Variants in RPL12 observed in about 807,000 individuals in gnomAD.
The protein encoded by RPL12 is large ribosomal subunit protein uL11.
Under a neutral mutation model 24.5 loss-of-function variants are expected in RPL12, and 10 were observed. The ratio of observed to expected loss-of-function variants is 0.41; its 90% CI spans 0.25 to 0.69. The LOEUF (loss-of-function observed/expected upper bound fraction) is 0.69. Ranked by LOEUF, RPL12 falls within the 30% of genes least tolerant of loss-of-function variation. The pLI is 0.33. For synonymous variants in RPL12, 74 were observed against 76.1 expected, an observed-to-expected ratio of 0.97 and a Z score of 0.14; for missense variants, 137 against 205.3, an observed-to-expected ratio of 0.67 and a Z score of 2.03.
chr9:127,449,767 C>T lies in RPL12; in HGVS notation c.112-59G>A, dbSNP rs145155290. The T allele has an allele frequency of 8.8e-4, 1,152 of 1,311,344 alleles. 7 individuals carry two copies. The highest frequency in any genetic ancestry group is 4.0e-3 in the South Asian group (340 of 84,840). The allele number at this position is 1,311,344 out of a possible 1,614,324, so 81.2% of individuals were successfully genotyped here. On this transcript the variant is annotated intron_variant, in intron 2 of 6. Coordinates refer to ENST00000361436, the MANE Select transcript of RPL12 (RefSeq NM_000976.4). ...CAGAGGTGAACCACAGCCTTGAAAC[C>T]TGCCCACCACTTCTCACTTGGCAAC...
At chr9:127,447,823 T>TA in intron 6 of RPL12, 54 bp downstream of exon 6, 1 of 1,611,900 alleles carries the variant, frequency 6.2e-7, no homozygotes, top group Non-Finnish European at 8.5e-7. Flanking sequence ...TCTCTGTGAA[T>TA]ACACTGGGTG....
In RPL12 at chr9:127,448,478, A is replaced by G. The variant is rs143393244; in HGVS notation, c.293-55T>C. 1.7e-5 allele frequency: 19 copies of G among 1,131,018 alleles called. No homozygotes were observed. In the African/African-American group the frequency reaches 2.6e-4, roughly 15 times the overall value. 70.1% of individuals were successfully genotyped at this position (1,131,018 alleles called of 1,614,324 possible). The stretch of plus-strand genomic sequence containing the variant: ...TTAAAGTCTGAAGCCAAAGCAGATC[A>G]TGTGTCCTTCATTTCATTTCTAGGC... On this transcript the variant is annotated intron_variant, in intron 4 of 6. Transcript: ENST00000361436.
In RPL12 at chr9:127,447,737, GA is replaced by G. The variant is rs536891934; in HGVS notation, c.493-12del. The G allele has an allele frequency of 2.2e-4, 344 of 1,557,308 alleles. No homozygotes were observed. Among genetic ancestry groups the G allele is most frequent in the Admixed American group, 1.1e-3 (60 of 56,418 alleles). On this transcript the variant is annotated splice_polypyrimidine_tract_variant and intron_variant, in intron 6 of 6. Transcript: ENST00000361436. ...CCTTTGTGCTTAACTCTGTGGGAAA[GA>G]AAAAAAAAATCAGTAAAAAGTTTAA...
chr9:127,449,574 C>CA (rs1370754181), intron 3 of RPL12, 36 bp downstream of exon 3: 1 of 1,564,836 alleles, frequency 6.4e-7, no homozygotes, highest in East Asian at 2.2e-5. Flanking sequence ...CCTGTCCCCC[C>CA]ACCCTCCTCT....
rs1472994008 is a variant in RPL12 at position 127,448,458 on chromosome 9, G to A, written c.293-35C>T. 2.2e-6 allele frequency: 3 copies of A among 1,388,750 alleles called. No homozygotes were observed. The South Asian group carries it at 3.5e-5, about 16-fold the overall frequency. The allele number at this position is 1,388,750 out of a possible 1,614,324, so 86.0% of individuals were successfully genotyped here. On this transcript the variant is annotated intron_variant, in intron 4 of 6. Transcript: ENST00000361436. ...AGGAAACAGCAAAAGCTCTTTTAAA[G>A]TCTGAAGCCAAAGCAGATCATGTGT...
In RPL12 at chr9:127,447,946, A is replaced by G; in HGVS notation, c.423T>C (p.Cys141=). 1 of 1,613,750 alleles carries G rather than the reference A, an allele frequency of 6.2e-7. No individual in the cohort carries two copies. The highest frequency in any genetic ancestry group is 8.5e-7 in the Non-Finnish European group (1 of 1,179,936). ...EILGTAQSVG[C]NVDGRHPHDI... ...CATGAGGATGGCGGCCATCAACATT[A>G]CAGCCCACTGACTGGGCAGTCCCCA... Residue 141 remains cysteine, a synonymous_variant, in exon 6 of 7, where the codon TGT becomes TGC. Transcript: ENST00000361436.
rs1035522030 is a variant in RPL12 at position 127,450,518 on chromosome 9, G to C, written c.111+213C>G. The C allele has an allele frequency of 7.7e-6, 4 of 522,832 alleles. No individual in the cohort carries two copies. The African/African-American group carries it at 8.1e-5, about 11-fold the overall frequency. 32.4% of individuals were successfully genotyped at this position (522,832 alleles called of 1,614,324 possible). On this transcript the variant is annotated intron_variant, in intron 2 of 6. Transcript: ENST00000361436. ...CCTCAGGTACACTAAAGCAGCAGTGGAGACACATGGAGCTAATTACAATTT... is the reference window on the plus strand; with the variant it reads ...CCTCAGGTACACTAAAGCAGCAGTGCAGACACATGGAGCTAATTACAATTT...
At chr9:127,449,489 C>A in intron 3 of RPL12, 121 bp downstream of exon 3, 1 of 1,296,942 alleles carries the variant, frequency 7.7e-7, no homozygotes, top group Non-Finnish European at 1.1e-6. Flanking sequence ...GACAAAGCCT[C>A]CCCAACAAGG....
intron 2 of RPL12, 166 bp from the exon 3 acceptor site, chr9:127,449,874 T>C (rs879095899): frequency 1.6e-6 from 1 of 628,988 alleles, no homozygotes; most frequent in Admixed American, 2.4e-5. Context: ...GGGGTTGGGG[T>C]TCTTGTCCAG....
At chr9:127,450,698 T>C in intron 2 of RPL12, 33 bp downstream of exon 2, 7 of 1,496,118 alleles carry the variant, frequency 4.7e-6, no homozygotes, top group Non-Finnish European at 6.3e-6. Context: ...GAAACAAATG[T>C]GAAAAAAATG....
intron 4 of RPL12, among the ~76,000 whole-genome samples, chr9:127,448,877 G>A (rs1456390532): frequency 6.7e-6 from 1 of 149,720 alleles, no homozygotes; most frequent in Non-Finnish European, 1.5e-5. Flanking sequence ...TACCCAGGCT[G>A]GAGTGCAGTG....
chr9:127,450,920 C>A, intron 1 of RPL12, 116 bp from the exon 2 acceptor site: 1 of 845,594 alleles, frequency 1.2e-6, no homozygotes, highest in Non-Finnish European at 1.9e-6. Flanking sequence ...CAGCACAGAG[C>A]GCGAGGCGGG....
intron 2 of RPL12, chr9:127,450,176 G>T: frequency 1.1e-5 from 2 of 175,008 alleles, no homozygotes; most frequent in South Asian, 2.6e-4. Context: ...GGTTAAAAAA[G>T]ACCAATGGGG....
rs780935724 is a variant in RPL12 at position 127,449,315 on chromosome 9, C to T, written c.258G>A (p.Lys86=). The T allele has an allele frequency of 6.8e-6, 11 of 1,612,190 alleles. No homozygotes were observed. Among genetic ancestry groups the T allele is most frequent in the Non-Finnish European group, 8.5e-6 (10 of 1,179,980 alleles). ...GTTTCTTTCTGTCTCTTGGTGGTTCCTTGAGGGCTTTGATGATCAGGGCAG... is the reference window on the plus strand; with the variant it reads ...GTTTCTTTCTGTCTCTTGGTGGTTCTTTGAGGGCTTTGATGATCAGGGCAG... ...SASALIIKAL[K]EPPRDRKKQK... Residue 86 remains lysine (K), a synonymous_variant, in exon 4 of 7, where the codon AAG becomes AAA. Transcript: ENST00000361436.
intron 2 of RPL12, 26 bp downstream of exon 2, chr9:127,450,705 A>C: frequency 4.6e-6 from 7 of 1,525,348 alleles, no homozygotes; most frequent in Non-Finnish European, 6.2e-6. Flanking sequence ...ATGTGAAAAA[A>C]ATGCCCCTTG....
chr9:127,449,582 T>A, intron 3 of RPL12, 28 bp downstream of exon 3: 7 of 1,561,372 alleles, frequency 4.5e-6, no homozygotes, highest in Non-Finnish European at 6.2e-6. Context: ...CCCACCCTCC[T>A]CTCCCGAAAC....
rs762024505 is a variant in RPL12 at position 127,451,320 on chromosome 9, TG to T, written c.-4del. The T allele has an allele frequency of 5.0e-6, 8 of 1,612,176 alleles. No homozygotes were observed. In the African/African-American group the frequency reaches 1.1e-4, roughly 22 times the overall value. On this transcript the variant is annotated 5_prime_UTR_variant, in exon 1 of 7. Transcript: ENST00000361436. ...TTGGGGTCGAACTTCGGCGGCATGG[TG>T]GAGGCGGCTGGTGTCGGATGAACCC...
At position 127,451,399 on chromosome 9, in the gene RPL12, C is replaced by G; in HGVS notation, c.-82G>C. ...ACCTTGGCCTCCTCCGAGCCGAAAGCCGAGAGGCCGGAAATCGCGCGGACA... is the reference window on the plus strand; with the variant it reads ...ACCTTGGCCTCCTCCGAGCCGAAAGGCGAGAGGCCGGAAATCGCGCGGACA... On this transcript the variant is annotated 5_prime_UTR_variant, in exon 1 of 7. Coordinates refer to ENST00000361436, the MANE Select transcript of RPL12 (RefSeq NM_000976.4). 17 of 1,571,268 alleles carry G rather than the reference C, an allele frequency of 1.1e-5. No individual in the cohort carries two copies. Among genetic ancestry groups the G allele is most frequent in the Non-Finnish European group, 1.5e-5 (17 of 1,150,340 alleles).
At chr9:127,449,150 T>C (rs1834225149) in intron 4 of RPL12, 131 bp downstream of exon 4, 1 of 687,778 alleles carries the variant, frequency 1.5e-6, no homozygotes, top group Non-Finnish European at 2.5e-6. Context: ...TACCTGGCTC[T>C]AGCAGCCCTA....
Sources: allele counts gnomAD v4.1 joint callset (sites outside exome capture counted in the v4.1 genomes callset), GRCh38; gene constraint gnomAD v4.1.1; transcripts MANE v1.5; gene names NCBI Gene and HGNC (gene_info 2026-07-23, HGNC 2026-07-21).